Variants in ADORA2A observed in about 807,000 individuals in gnomAD.
ADORA2A encodes the protein adenosine A2a receptor.
ADORA2A carries 11 observed loss-of-function variants against 18.4 expected under a neutral mutation model. The observed-to-expected ratio is 0.60, with a 90% confidence interval of 0.38 to 0.99. The LOEUF is 0.99. Ranked by LOEUF, ADORA2A falls within the 50% of genes least tolerant of loss-of-function variation. The pLI is 0.01. For synonymous variants in ADORA2A, 218 were observed against 237.3 expected (o/e 0.92, Z 0.75); for missense variants, 449 against 556.1 (o/e 0.81, Z 1.94).
intron 2 of ADORA2A, 148 bp downstream of exon 2, chr22:24,433,884 CT>C: frequency 1.1e-6 from 1 of 895,042 alleles, no homozygotes. Flanking sequence ...TCAGCAGGGG[CT>C]CCCCAGGGCC....
At chr22:24,426,675 C>T (rs1051751288), upstream of ADORA2A, among the ~76,000 whole-genome samples, 6 of 152,146 alleles carry the variant, frequency 3.9e-5, no homozygotes, top group African/African-American at 1.2e-4. Flanking sequence ...GAGGCCTGGG[C>T]CCCTGCAGCC....
At chr22:24,435,139 G>A (rs1421887264) in intron 2 of ADORA2A, among the ~76,000 whole-genome samples, 4 of 152,210 alleles carry the variant, frequency 2.6e-5, no homozygotes, top group Non-Finnish European at 5.9e-5. Context: ...AGAACCCTCG[G>A]CAAAGGAGAA....
rs202128195 is a variant in ADORA2A at position 24,440,736 on chromosome 22, C to T, written c.486C>T (p.Gly162=). 15 of 1,614,080 alleles carry T rather than the reference C, an allele frequency of 9.3e-6. No homozygotes were observed. The highest frequency in any genetic ancestry group is 7.6e-6 in the Non-Finnish European group (9 of 1,180,038). Residue 162 remains glycine (G), a synonymous_variant, in exon 3 of 3, where the codon GGC becomes GGT. Coordinates refer to ENST00000337539, the MANE Select transcript of ADORA2A (RefSeq NM_000675.6). ...ACCACTCCCAGGGCTGCGGGGAGGG[C>T]CAAGTGGCCTGTCTCTTTGAGGATG... The part of the protein sequence containing the change: ...GKNHSQGCGE[G]QVACLFEDVV...
chr22:24,425,337 A>ACTCCCCCCCCCCC (rs1568940744), upstream of ADORA2A, among the ~76,000 whole-genome samples: 1 of 82,318 alleles, frequency 1.2e-5, no homozygotes, highest in Non-Finnish European at 2.3e-5. Flanking sequence ...TGTGGGCAGC[A>ACTCCCCCCCCCCC]CCCCCCCCCC....
upstream of ADORA2A, chr22:24,423,908 C>A (rs1396637396): frequency 6.6e-6 from 1 of 151,614 alleles, no homozygotes; most frequent in Non-Finnish European, 1.5e-5. Flanking sequence ...CGGCCGGAGC[C>A]GGAGACCCAG....
chr22:24,437,361 C>T (rs537805100), intron 2 of ADORA2A, among the ~76,000 whole-genome samples: 7 of 152,240 alleles, frequency 4.6e-5, no homozygotes, highest in East Asian at 1.9e-4. Context: ...GGGTCTAAGA[C>T]GGCAAGATGT....
At chr22:24,424,623 G>C (rs1447760314), upstream of ADORA2A, 1 of 152,358 alleles carries the variant, frequency 6.6e-6, no homozygotes, top group African/African-American at 2.4e-5. This position sits in a 1 kb window ranked among gnomAD's most constrained non-coding sequence, Gnocchi z 4.9. Context: ...AGGAACGCTG[G>C]GCCGAGCGCT....
intron 1 of ADORA2A, among the ~76,000 whole-genome samples, chr22:24,428,227 A>C (rs902712251): frequency 2.0e-5 from 3 of 152,210 alleles, no homozygotes; most frequent in Non-Finnish European, 4.4e-5. Context: ...CCATCCCAAA[A>C]GCCAGTCATA....
intron 2 of ADORA2A, among the ~76,000 whole-genome samples, chr22:24,436,058 C>T (rs2043167330): frequency 6.6e-6 from 1 of 152,200 alleles, no homozygotes; most frequent in Non-Finnish European, 1.5e-5. Context: ...CATGGGGAGG[C>T]CAGAGCAGGG....
intron 1 of ADORA2A, chr22:24,431,216 CT>C (rs1568944721): frequency 4.4e-6 from 2 of 456,794 alleles, no homozygotes; most frequent in Non-Finnish European, 8.8e-6. Flanking sequence ...ACTCGGCCCT[CT>C]CCAGCTGCTG....
rs561327844 is a variant in ADORA2A at position 24,442,169 on chromosome 22, G to C, written c.*680G>C. ...GGATCAAGGACAGGGAGTTGTAACAGAGCAGTGCCAGAGCATGGGCCCAGG... is the reference window on the plus strand; with the variant it reads ...GGATCAAGGACAGGGAGTTGTAACACAGCAGTGCCAGAGCATGGGCCCAGG... On this transcript the variant is annotated 3_prime_UTR_variant, in exon 3 of 3. Transcript: ENST00000337539. 1.3e-5 allele frequency: 2 copies of C among 153,182 alleles called. No individual in the cohort carries two copies. The highest frequency in any genetic ancestry group is 4.1e-4 in the South Asian group (2 of 4,834). The allele number at this position is 153,182 out of a possible 1,614,324, so 9.5% of individuals were successfully genotyped here.
chr22:24,438,568 T>G (rs1374195806), intron 2 of ADORA2A: 1 of 152,224 alleles, frequency 6.6e-6, no homozygotes, highest in Non-Finnish European at 1.5e-5. Flanking sequence ...TGAGGCCCTG[T>G]TACAGGTAAC....
rs780405269 is a variant in ADORA2A, at chr22:24,440,925, G to A, written c.675G>A (p.Leu225=). Residue 225 remains leucine (L), a synonymous_variant, in exon 3 of 3, where the codon CTG becomes CTA. Coordinates refer to ENST00000337539, the MANE Select transcript of ADORA2A (RefSeq NM_000675.6). ...CGGGGGAGCGGGCACGGTCCACACT[G>A]CAGAAGGAGGTCCATGCTGCCAAGT... ...PLPGERARST[L]QKEVHAAKSL... The A allele has an allele frequency of 1.2e-6, 2 of 1,614,178 alleles. No individual in the cohort carries two copies. The highest frequency in any genetic ancestry group is 1.7e-6 in the Non-Finnish European group (2 of 1,180,036).
chr22:24,441,476 C>T lies in ADORA2A; in HGVS notation c.1226C>T (p.Ala409Val). The T allele has an allele frequency of 1.3e-6, 2 of 1,512,620 alleles. No homozygotes were observed. Among genetic ancestry groups the T allele is most frequent in the Non-Finnish European group, 8.8e-7 (1 of 1,131,598 alleles). The allele number at this position is 1,512,620 out of a possible 1,614,324, so 93.7% of individuals were successfully genotyped here. A position where few individuals can be genotyped will look rare whatever the true frequency, so the allele number is the denominator to read the frequency against. Residue 409 changes from alanine (A) to valine (V), a missense_variant, in exon 3 of 3, where the codon GCA (alanine) becomes GTA (valine). Transcript: ENST00000337539. ...GLDDPLAQDG[A>V]GVS Reference sequence around the variant, plus strand: ...GATGACCCCCTGGCCCAGGATGGAGCAGGAGTGTCCTGATGATTCATGGAG... The same window carrying T: ...GATGACCCCCTGGCCCAGGATGGAGTAGGAGTGTCCTGATGATTCATGGAG...
In ADORA2A at chr22:24,433,654, G is replaced by A. The variant is rs201860587; in HGVS notation, c.250G>A (p.Val84Ile). The change falls in exon 2 of 3, where the codon GTC becomes ATC. Residue 84 changes from valine (V) to isoleucine (I), a missense_variant. Val to Ile is a conservative substitution (Grantham distance 29). Transcript: ENST00000337539. ...CGGCTGCCTCTTCATTGCCTGCTTC[G>A]TCCTGGTCCTCACGCAGAGCTCCAT... Reference protein sequence around the residue: ...CHGCLFIACFVLVLTQSSIFS... With the variant: ...CHGCLFIACFILVLTQSSIFS... 1.2e-5 allele frequency: 19 copies of A among 1,613,102 alleles called. No homozygotes were observed. The Middle Eastern group carries it at 6.6e-4, about 56-fold the overall frequency.
upstream of ADORA2A, chr22:24,423,925 C>A (rs1016802095): frequency 6.6e-6 from 1 of 151,634 alleles, no homozygotes; most frequent in Non-Finnish European, 1.5e-5. Flanking sequence ...CCAGCGGCCG[C>A]CGAGACAGCG....
intron 1 of ADORA2A, among the ~76,000 whole-genome samples, chr22:24,428,758 A>G (rs1568942726): frequency 6.6e-6 from 1 of 152,220 alleles, no homozygotes; most frequent in Non-Finnish European, 1.5e-5. Flanking sequence ...GGAGACAGGG[A>G]GTGGCCTGCA....
At position 24,441,941 on chromosome 22, in the gene ADORA2A, C is replaced by CT. The variant is rs35060421; in HGVS notation, c.*458dup. 0.52 allele frequency: 81,190 copies of CT among 156,662 alleles called. 22,189 individuals are homozygous for CT. Among genetic ancestry groups the CT allele is most frequent in the Non-Finnish European group, 0.6 (42,691 of 70,812 alleles). The allele number at this position is 156,662 out of a possible 1,614,324, so 9.7% of individuals were successfully genotyped here. ...TGCTGGGCCCAGAGGTGACATTTGA[C>CT]TTTTTTCCAGGAAAAATGTAAGTGT... On this transcript the variant is annotated 3_prime_UTR_variant, in exon 3 of 3. Transcript: ENST00000337539.
chr22:24,433,031 T>C (rs1313908621), intron 1 of ADORA2A, 100 bp from the exon 2 acceptor site: 3 of 310,446 alleles, frequency 9.7e-6, no homozygotes, highest in Non-Finnish European at 1.8e-5. Flanking sequence ...TCTGAAACTA[T>C]AGGGTCTTCA....
Sources: gnomAD v4.1 joint callset for allele counts (sites outside exome capture counted in the v4.1 genomes callset) on GRCh38, gnomAD v4.1.1 for gene constraint, Gnocchi (gnomAD v3.1) non-coding constraint, MANE v1.5 for transcripts, NCBI Gene and HGNC (gene_info 2026-07-23, HGNC 2026-07-21) for gene names.